Variants in SNX15 observed in about 807,000 individuals in gnomAD.
SNX15 encodes the protein sorting nexin 15, also known as sorting nexin-15.
A neutral mutation model predicts 35.2 loss-of-function variants in SNX15; 29 were observed. The ratio of observed to expected loss-of-function variants is 0.82; its 90% CI spans 0.61 to 1.12. The LOEUF (loss-of-function observed/expected upper bound fraction) is 1.12. SNX15 is among the 50% of genes most tolerant of loss of function. SNX15 has a pLI of 0.00. For synonymous variants in SNX15, 189 were observed against 188.2 expected (o/e 1.00, Z -0.03); for missense variants, 400 against 451.5 (o/e 0.89, Z 1.03).
intron 3 of SNX15, among the ~76,000 whole-genome samples, chr11:65,033,680 G>A (rs1006565165): frequency 1.3e-5 from 2 of 151,936 alleles, no homozygotes; most frequent in African/African-American, 4.8e-5. Flanking sequence ...ATACTCATGT[G>A]AGATGTTCTT....
At chr11:65,035,871 T>G in intron 6 of SNX15, 1 of 457,448 alleles carries the variant, frequency 2.2e-6, no homozygotes. Context: ...GATGCACCTG[T>G]GCAACAAATA....
intron 1 of SNX15, among the ~76,000 whole-genome samples, chr11:65,029,510 A>C (rs1203841502): frequency 6.7e-6 from 1 of 148,858 alleles, no homozygotes; most frequent in Non-Finnish European, 1.5e-5. Context: ...ATTTTTATAC[A>C]TATTATATAA....
intron 3 of SNX15, among the ~76,000 whole-genome samples, chr11:65,033,329 G>A (rs1946462112): frequency 6.6e-6 from 1 of 151,800 alleles, no homozygotes; most frequent in East Asian, 1.9e-4. Flanking sequence ...CGAATCACGA[G>A]ATCAGGAGTT....
At chr11:65,034,656 T>C (rs1946477845) in intron 3 of SNX15, among the ~76,000 whole-genome samples, 191 bp from the exon 4 acceptor site, 1 of 152,176 alleles carries the variant, frequency 6.6e-6, no homozygotes, top group Non-Finnish European at 1.5e-5. Flanking sequence ...AATGAATGAA[T>C]AGGGAAATTG....
chr11:65,035,315 C>T, intron 5 of SNX15, 109 bp downstream of exon 5: 1 of 1,286,938 alleles, frequency 7.8e-7, no homozygotes, highest in Non-Finnish European at 1.1e-6. Flanking sequence ...TGTCCCAGGT[C>T]TATCACTTAA....
chr11:65,039,224 TA>T (rs201093162), intron 7 of SNX15, among the ~76,000 whole-genome samples: 1,885 of 149,196 alleles, frequency 0.013, 21 homozygotes, highest in Middle Eastern at 0.024. Context: ...TATTTTTATT[TA>T]TTTATTTTTA....
intron 1 of SNX15, among the ~76,000 whole-genome samples, chr11:65,030,922 T>C (rs1344955001): frequency 6.6e-6 from 1 of 152,196 alleles, no homozygotes; most frequent in Non-Finnish European, 1.5e-5. Context: ...TGGTCTACTA[T>C]GGCCACACCT....
rs749919173 is a variant in SNX15 at position 65,039,648 on chromosome 11, G to T, written c.923-38G>T. 2.1e-6 allele frequency: 3 copies of T among 1,408,970 alleles called. No individual in the cohort carries two copies. In the African/African-American group the frequency reaches 4.2e-5, roughly 20 times the overall value. The allele number at this position is 1,408,970 out of a possible 1,614,324, so 87.3% of individuals were successfully genotyped here. On this transcript the variant is annotated intron_variant, in intron 7 of 7. Transcript: ENST00000377244. ...ACCAGGGGTTCTGACCAGGCCAGTGGTGCCCAGGTGCCTCAGCTGAGCATT... is the reference window on the plus strand; with the variant it reads ...ACCAGGGGTTCTGACCAGGCCAGTGTTGCCCAGGTGCCTCAGCTGAGCATT...
rs1376010418 is a variant in SNX15 at position 65,027,927 on chromosome 11, T to C, written c.99+291T>C. On this transcript the variant is annotated intron_variant, in intron 1 of 7. Coordinates refer to ENST00000377244, the MANE Select transcript of SNX15 (RefSeq NM_013306.5). ...CTGGGCATCAGGCTGTGAATTTCTC[T>C]AAATTAACATGAAAACTCTGGTTTA... Among the ~76,000 whole-genome samples, 12 of 152,356 alleles carry C rather than the reference T, an allele frequency of 7.9e-5. No individual in the cohort carries two copies. In the South Asian group the frequency reaches 2.5e-3, roughly 32 times the overall value.
chr11:65,039,545 G>A, intron 7 of SNX15, 141 bp from the exon 8 acceptor site: 2 of 597,456 alleles, frequency 3.3e-6, no homozygotes, highest in Non-Finnish European at 6.1e-6. Context: ...CTTATTTGTA[G>A]ACTGAGGAGA....
rs1946531040 is a variant in SNX15 at position 65,038,698 on chromosome 11, C to T, written c.791C>T (p.Pro264Leu). The change falls in exon 7 of 8, where the codon CCC becomes CTC. Residue 264 changes from proline (P) to leucine (L), a missense_variant. Pro to Leu is a moderately conservative substitution (Grantham distance 98). Coordinates refer to ENST00000377244, the MANE Select transcript of SNX15 (RefSeq NM_013306.5). The stretch of plus-strand genomic sequence containing the variant: ...GAGGAAGAGGATGGGGAAGGAGGGC[C>T]CACCCCTGCCTACCTAAGCCAGGCC... ...QEEEEDGEGG[P>L]TPAYLSQATE... 6.2e-7 allele frequency: 1 copy of T among 1,608,762 alleles called. No individual in the cohort carries two copies. Among genetic ancestry groups the T allele is most frequent in the Non-Finnish European group, 8.5e-7 (1 of 1,177,792 alleles).
In SNX15 at chr11:65,027,508, C is replaced by T. The variant is rs568235874; in HGVS notation, c.-30C>T. The T allele has an allele frequency of 1.5e-5, 24 of 1,591,986 alleles. No individual in the cohort carries two copies. Among genetic ancestry groups the T allele is most frequent in the East Asian group, 8.9e-5 (4 of 44,726 alleles). Reference sequence around the variant, plus strand: ...GTGGGGACGGCGAGGAGGTGGAGGCCGGCGCTCCGCTCCGCTCCAGCTCGG... The same window carrying T: ...GTGGGGACGGCGAGGAGGTGGAGGCTGGCGCTCCGCTCCGCTCCAGCTCGG... On this transcript the variant is annotated 5_prime_UTR_variant, in exon 1 of 8. Coordinates refer to ENST00000377244, the MANE Select transcript of SNX15 (RefSeq NM_013306.5).
In SNX15 at chr11:65,040,345, T is replaced by G. The variant is rs144956296; in HGVS notation, c.*553T>G. ...ATGTGTGAGCAGCAGCTGTGGTCAT[T>G]AAACCATTAGTTTACCCCTCTAGAA... On this transcript the variant is annotated 3_prime_UTR_variant, in exon 8 of 8. Coordinates refer to ENST00000377244, the MANE Select transcript of SNX15 (RefSeq NM_013306.5). 0.012 allele frequency: 1,822 copies of G among 152,620 alleles called. 20 individuals carry two copies. Among genetic ancestry groups the G allele is most frequent in the Non-Finnish European group, 0.018 (1,217 of 68,244 alleles). 9.5% of individuals were successfully genotyped at this position (152,620 alleles called of 1,614,324 possible).
At position 65,038,727 on chromosome 11, in the gene SNX15, G is replaced by C; in HGVS notation, c.820G>C (p.Glu274Gln). The change falls in exon 7 of 8, where the codon GAG becomes CAG. Residue 274 changes from glutamate to glutamine, a missense_variant. By Grantham distance (29) the Glu-to-Gln change is conservative (BLOSUM62 2). Transcript: ENST00000377244. Reference protein sequence around the residue: ...PTPAYLSQATELITQALRDEK... With the variant: ...PTPAYLSQATQLITQALRDEK... The stretch of plus-strand genomic sequence containing the variant: ...CCCTGCCTACCTAAGCCAGGCCACA[G>C]AGCTCATCACCCAGGCCCTGCGGGA... The C allele has an allele frequency of 6.2e-7, 1 of 1,605,420 alleles. No individual in the cohort carries two copies. The highest frequency in any genetic ancestry group is 8.5e-7 in the Non-Finnish European group (1 of 1,176,360).
rs1946556866 is a variant in SNX15 at position 65,039,706 on chromosome 11, C to T, written c.943C>T (p.Gln315Ter). Reference sequence around the variant, plus strand: ...CACAGGTGACCCGTTGCCTGCCCGCCAGGAAGGTGTGAAGAAGAAGGCAGC... The same window carrying T: ...CACAGGTGACCCGTTGCCTGCCCGCTAGGAAGGTGTGAAGAAGAAGGCAGC... Reference protein sequence around the residue: ...GVPSDPLPARQEGVKKKAAEY... With the variant: ...GVPSDPLPAR The change falls in exon 8 of 8, where the codon CAG becomes TAG. Residue 315 changes from glutamine (Q) to a stop codon, truncating the protein, a stop_gained. Transcript: ENST00000377244. LOFTEE classifies it high-confidence loss of function. 6.2e-7 allele frequency: 1 copy of T among 1,613,300 alleles called. No individual in the cohort carries two copies.
In SNX15 at chr11:65,039,941, T is replaced by G. The variant is rs986612673; in HGVS notation, c.*149T>G. Reference sequence around the variant, plus strand: ...CAAGAATGAGAAAAATAATGAATTCTTAGCTCCCTGATTACACCTGCCACC... The same window carrying G: ...CAAGAATGAGAAAAATAATGAATTCGTAGCTCCCTGATTACACCTGCCACC... On this transcript the variant is annotated 3_prime_UTR_variant, in exon 8 of 8. Transcript: ENST00000377244. 3.5e-6 allele frequency: 2 copies of G among 577,868 alleles called. No homozygotes were observed. The highest frequency in any genetic ancestry group is 3.2e-6 in the Non-Finnish European group (1 of 315,516). 35.8% of individuals were successfully genotyped at this position (577,868 alleles called of 1,614,324 possible). A position where few individuals can be genotyped will look rare whatever the true frequency, so the allele number is the denominator to read the frequency against.
intron 1 of SNX15, among the ~76,000 whole-genome samples, chr11:65,030,045 G>A (rs900396094): frequency 2.6e-5 from 4 of 152,180 alleles, no homozygotes; most frequent in African/African-American, 7.2e-5. Flanking sequence ...GTACCACTAC[G>A]CCTAGCTCAA....
intron 1 of SNX15, among the ~76,000 whole-genome samples, chr11:65,031,812 G>A (rs1461515213): frequency 6.6e-6 from 1 of 152,056 alleles, no homozygotes; most frequent in African/African-American, 2.4e-5. Flanking sequence ...TAGGAAAATC[G>A]CTTGAACCCT....
At chr11:65,039,628 G>T (rs1187751344) in intron 7 of SNX15, 58 bp from the exon 8 acceptor site, 3 of 1,122,420 alleles carry the variant, frequency 2.7e-6, no homozygotes, top group Non-Finnish European at 4.0e-6. Context: ...ACCCGACCAG[G>T]GGTTCTGACC....
Sources: gnomAD v4.1 joint callset for allele counts (sites outside exome capture counted in the v4.1 genomes callset) on GRCh38, gnomAD v4.1.1 for gene constraint, MANE v1.5 for transcripts, NCBI Gene and HGNC (gene_info 2026-07-23, HGNC 2026-07-21) for gene names.